KCNA3: variants seen among roughly 807,000 people sequenced by gnomAD.
KCNA3 encodes RP11-284N8.3.
A neutral mutation model predicts 34.3 loss-of-function variants in KCNA3; 18 were observed. That is an observed-to-expected ratio of 0.52 (90% confidence interval 0.36 to 0.78). The LOEUF is 0.78. Ranked by LOEUF, KCNA3 falls within the 30% of genes least tolerant of loss-of-function variation. The probability of loss-of-function intolerance (pLI) is 0.00; values close to 1 mark genes in which losing one functional copy is unlikely to be tolerated. For missense variants in KCNA3, 587 were observed against 802.5 expected (o/e 0.73, Z 3.24); for synonymous variants, 324 against 351.7 (o/e 0.92, Z 0.88).
In KCNA3 at chr1:110,673,584, A is replaced by G; in HGVS notation, c.1226T>C (p.Val409Ala). Residue 409 changes from valine to alanine, a missense_variant, in exon 1 of 1, where the codon GTC becomes GCC. Physicochemically the swap from Val to Ala is moderately conservative, Grantham distance 64. Around this residue, in one of 7 missense-constraint regions of KCNA3, gnomAD observed 84 missense variants for 223.1 expected, o/e 0.38. Transcript: ENST00000369769. The surrounding 1 kb of genome is among the most constrained non-coding windows in gnomAD (Gnocchi z 8.8). ...GLLIFFLFIG[V>A]ILFSSAVYFA... ...GTAGACCGCGCTGGAGAAAAGGATG[A>G]CCCCAATAAAGAGGAAGAAGATGAG... is the stretch of plus-strand genomic sequence containing the variant. 1.2e-6 allele frequency: 2 copies of G among 1,614,006 alleles called. No individual in the cohort carries two copies. The highest frequency in any genetic ancestry group is 1.7e-6 in the Non-Finnish European group (2 of 1,179,998).
chr1:110,665,649 T>C, the KCNA3 span, among the ~76,000 whole-genome samples: 1 of 152,020 alleles, frequency 6.6e-6, no homozygotes. Flanking sequence ...CAAATTTACA[T>C]ACACAGATAA....
rs1651939900 is a variant in KCNA3, at chr1:110,672,923, G to T, written c.*159C>A. 1.4e-6 allele frequency: 1 copy of T among 720,614 alleles called. No homozygotes were observed. Among genetic ancestry groups the T allele is most frequent in the Non-Finnish European group, 2.3e-6 (1 of 441,688 alleles). 44.6% of individuals were successfully genotyped at this position (720,614 alleles called of 1,614,324 possible). On this transcript the variant is annotated 3_prime_UTR_variant, in exon 1 of 1. Transcript: ENST00000369769. ...ACTTGCAAAACAGGCACCTGTTTCA[G>T]TATGAAGCAGCAGGGAGAGGGAGAA...
the KCNA3 span, among the ~76,000 whole-genome samples, chr1:110,665,872 C>T: frequency 2.0e-5 from 3 of 152,092 alleles, no homozygotes; most frequent in South Asian, 2.1e-4. Flanking sequence ...GAAATGACCA[C>T]TGGGTATCGT....
chr1:110,665,737 G>A, the KCNA3 span, among the ~76,000 whole-genome samples: 1 of 152,012 alleles, frequency 6.6e-6, no homozygotes, highest in African/African-American at 2.4e-5. Context: ...AGAAGGAGAG[G>A]CCAGAGAGGT....
rs769711110 is a variant in KCNA3 at position 110,674,663 on chromosome 1, C to T, written c.147G>A (p.Leu49=). ...GYAEPAAGRE[L]PPDMTVVPGD... ...CGGGCACCACGGTCATGTCGGGCGG[C>T]AGCTCGCGGCCTGCGGCGGGCTCCG... The change falls in exon 1 of 1, where the codon CTG becomes CTA. Residue 49 remains leucine (L), a synonymous_variant. Coordinates refer to ENST00000369769, the MANE Select transcript of KCNA3 (RefSeq NM_002232.5). The surrounding 1 kb of genome is among the most constrained non-coding windows in gnomAD (Gnocchi z 6.4). The T allele has an allele frequency of 2.0e-6, 3 of 1,519,946 alleles. No individual in the cohort carries two copies. Among genetic ancestry groups the T allele is most frequent in the East Asian group, 2.7e-5 (1 of 37,596 alleles). The allele number at this position is 1,519,946 out of a possible 1,614,324, so 94.2% of individuals were successfully genotyped here.
downstream of KCNA3, among the ~76,000 whole-genome samples, chr1:110,669,441 T>C (rs1651806678): frequency 6.6e-6 from 1 of 152,224 alleles, no homozygotes; most frequent in Non-Finnish European, 1.5e-5. Context: ...TTCATCTTAT[T>C]TAAATAACTT....
chr1:110,657,238 G>A, the KCNA3 span, among the ~76,000 whole-genome samples: 1 of 151,876 alleles, frequency 6.6e-6, no homozygotes, highest in South Asian at 2.1e-4. Context: ...GTGGAGTTGG[G>A]GTTTCACTAT....
At chr1:110,658,531 A>G in the KCNA3 span, among the ~76,000 whole-genome samples, 1 of 152,214 alleles carries the variant, frequency 6.6e-6, no homozygotes, top group Non-Finnish European at 1.5e-5. Flanking sequence ...AAATACATTA[A>G]TGGCACAGAA....
Position 110,673,373 on chromosome 1 carries a change from A to AG in KCNA3, c.1436_1437insC (p.Val480CysfsTer42). On this transcript the variant is annotated frameshift_variant, in exon 1 of 1. Transcript: ENST00000369769. LOFTEE classifies it high-confidence loss of function. The surrounding 1 kb of genome is among the most constrained non-coding windows in gnomAD (Gnocchi z 8.8). ...GGTAGAAGTAATTGAAGTTGGAAAC[A>AG]ATCACGGGAACTGGCAATGCGATGG... 6.2e-7 allele frequency: 1 copy of AG among 1,614,140 alleles called. No individual in the cohort carries two copies. The highest frequency in any genetic ancestry group is 8.5e-7 in the Non-Finnish European group (1 of 1,180,028).
At chr1:110,672,338 T>C (rs1312796310), downstream of KCNA3, 1 of 152,644 alleles carries the variant, frequency 6.6e-6, no homozygotes, top group East Asian at 1.9e-4. Flanking sequence ...AAAACATCTG[T>C]TTCTAGACTT....
the KCNA3 span, among the ~76,000 whole-genome samples, chr1:110,657,400 T>C: frequency 6.6e-6 from 1 of 152,142 alleles, no homozygotes; most frequent in Non-Finnish European, 1.5e-5. Flanking sequence ...TGGGGACTGG[T>C]AAGGGCTTTG....
At position 110,673,953 on chromosome 1, in the gene KCNA3, G is replaced by A; in HGVS notation, c.857C>T (p.Ala286Val). Reference protein sequence around the residue: ...AAGNSTSGSRAGASSFSDPFF... With the variant: ...AAGNSTSGSRVGASSFSDPFF... Reference sequence around the variant, plus strand: ...GGGATCGGAGAAGCTGGAGGCTCCTGCGCGGGACCCCGACGTGCTGTTGCC... The same window carrying A: ...GGGATCGGAGAAGCTGGAGGCTCCTACGCGGGACCCCGACGTGCTGTTGCC... Residue 286 changes from alanine (A) to valine (V), a missense_variant, in exon 1 of 1, where the codon GCA becomes GTA. This residue lies in a region of KCNA3 where 50 missense variants were observed against 45.3 expected (regional missense o/e 1.10). Transcript: ENST00000369769. This position sits in a 1 kb window ranked among gnomAD's most constrained non-coding sequence, Gnocchi z 8.8. 1 of 1,613,996 alleles carries A rather than the reference G, an allele frequency of 6.2e-7. No homozygotes were observed. Among genetic ancestry groups the A allele is most frequent in the Non-Finnish European group, 8.5e-7 (1 of 1,180,018 alleles).
At chr1:110,668,774 G>T (rs1017016124), downstream of KCNA3, among the ~76,000 whole-genome samples, 2 of 152,154 alleles carry the variant, frequency 1.3e-5, no homozygotes, top group African/African-American at 4.8e-5. Context: ...TGATGGGTGT[G>T]CACTGATCCA....
In KCNA3 at chr1:110,674,248, G is replaced by A. The variant is rs1651997386; in HGVS notation, c.562C>T (p.Gln188Ter). 1.9e-6 allele frequency: 3 copies of A among 1,613,972 alleles called. No individual in the cohort carries two copies. The highest frequency in any genetic ancestry group is 2.5e-6 in the Non-Finnish European group (3 of 1,179,994). The change falls in exon 1 of 1, where the codon CAG (glutamine) becomes TAG (stop). Residue 188 changes from glutamine (Q) to a stop codon, truncating the protein, a stop_gained. Coordinates refer to ENST00000369769, the MANE Select transcript of KCNA3 (RefSeq NM_002232.5). LOFTEE classifies it high-confidence loss of function. This position sits in a 1 kb window ranked among gnomAD's most constrained non-coding sequence, Gnocchi z 6.4. Reference protein sequence around the residue: ...DIFSEEIRFYQLGEEAMEKFR... With the variant: ...DIFSEEIRFY ...TTCTCCATGGCCTCCTCGCCCAGCT[G>A]GTAGAAGCGGATCTCCTCGGAGAAA... is the stretch of plus-strand genomic sequence containing the variant.
the KCNA3 span, among the ~76,000 whole-genome samples, chr1:110,660,830 A>C: frequency 6.6e-6 from 1 of 152,228 alleles, no homozygotes. Context: ...CAATAGACTT[A>C]TTCACTTCCT....
downstream of KCNA3, among the ~76,000 whole-genome samples, chr1:110,669,324 T>C (rs551367266): frequency 6.6e-6 from 1 of 152,334 alleles, no homozygotes; most frequent in South Asian, 2.1e-4. Context: ...TCCATTGTCA[T>C]AGCAGTTATC....
In KCNA3 at chr1:110,673,047, C is replaced by T; in HGVS notation, c.*35G>A. On this transcript the variant is annotated 3_prime_UTR_variant, in exon 1 of 1. Transcript: ENST00000369769. The surrounding 1 kb of genome is among the most constrained non-coding windows in gnomAD (Gnocchi z 8.8). ...GCAGACCAAGGGGGCACGTTCCACA[C>T]AATACTGAGCACAGCATGTCACTTG... 6.4e-7 allele frequency: 1 copy of T among 1,572,020 alleles called. No homozygotes were observed. Among genetic ancestry groups the T allele is most frequent in the Non-Finnish European group, 8.6e-7 (1 of 1,156,688 alleles).
chr1:110,659,515 G>A, the KCNA3 span, among the ~76,000 whole-genome samples: 1 of 152,104 alleles, frequency 6.6e-6, no homozygotes, highest in Non-Finnish European at 1.5e-5. Context: ...CTTGATCCAG[G>A]CAATTTAAAA....
chr1:110,661,023 T>C, the KCNA3 span, among the ~76,000 whole-genome samples: 2,314 of 152,300 alleles, frequency 0.015, 27 homozygotes, highest in Non-Finnish European at 0.02. Context: ...ACTAACTATA[T>C]AATATAAAGA....
Sources: allele counts gnomAD v4.1 joint callset (sites outside exome capture counted in the v4.1 genomes callset), GRCh38; gene constraint gnomAD v4.1.1; regional missense constraint gnomAD v4.1.1; non-coding constraint Gnocchi (gnomAD v3.1); transcripts MANE v1.5; gene names NCBI Gene and HGNC (gene_info 2026-07-23, HGNC 2026-07-21).